Variants in CDH23 observed in about 807,000 individuals in gnomAD.
CDH23 encodes the protein cadherin-23.
A neutral mutation model predicts 317.1 loss-of-function variants in CDH23; 189 were observed. The ratio of observed to expected loss-of-function variants is 0.60; its 90% CI spans 0.53 to 0.67. CDH23 has a LOEUF of 0.67. CDH23 is among the 30% of genes least tolerant of loss of function. The pLI is 0.00. For missense variants in CDH23, 4,401 were observed against 4,592.4 expected, an observed-to-expected ratio of 0.96 and a Z score of 1.20; for synonymous variants, 1,839 against 1,876.8, an observed-to-expected ratio of 0.98 and a Z score of 0.52.
In CDH23 at chr10:71,566,931, G is replaced by A. The variant is rs777365157; in HGVS notation, c.619G>A (p.Ala207Thr). The change falls in exon 7 of 70, where the codon GCC (alanine) becomes ACC (threonine). Residue 207 changes from alanine to threonine, a missense_variant. Around this residue, in one of 3 missense-constraint regions of CDH23, gnomAD observed 3,068 missense variants for 3,203.3 expected, o/e 0.96. Coordinates refer to ENST00000224721, the MANE Select transcript of CDH23 (RefSeq NM_022124.6). Reference sequence around the variant, plus strand: ...ACAGGCCTACCAGCTCACGGTCAACGCCACAGTGAGTCTCCATGCTGGGGC... The same window carrying A: ...ACAGGCCTACCAGCTCACGGTCAACACCACAGTGAGTCTCCATGCTGGGGC... ...TTQAYQLTVN[A>T]TDQDKTRPLS... 5.6e-6 allele frequency: 9 copies of A among 1,611,610 alleles called. No individual in the cohort carries two copies. The Admixed American group carries it at 6.7e-5, about 12-fold the overall frequency.
intron 51 of CDH23, 36 bp downstream of exon 51, chr10:71,799,316 G>C: frequency 2.5e-6 from 4 of 1,613,710 alleles, no homozygotes; most frequent in Non-Finnish European, 3.4e-6. Context: ...TCCAGGACCT[G>C]CGCCCATTCC....
At chr10:71,544,739 G>A (rs1388223983) in intron 6 of CDH23, among the ~76,000 whole-genome samples, 2 of 152,208 alleles carry the variant, frequency 1.3e-5, no homozygotes, top group Non-Finnish European at 2.9e-5. Flanking sequence ...ACGAGGCAAA[G>A]AACTTTGGCC....
intron 34 of CDH23, chr10:71,737,648 G>A: frequency 2.1e-6 from 1 of 465,720 alleles, no homozygotes; most frequent in Non-Finnish European, 4.4e-6. Flanking sequence ...CAGGGCAGTG[G>A]GAGAAGGCCT....
chr10:71,716,176 C>G (rs755178412), intron 28 of CDH23: 55 of 1,550,906 alleles, frequency 3.5e-5, no homozygotes, highest in Non-Finnish European at 4.7e-5. Flanking sequence ...GCGTCATGAA[C>G]AGCAGACAGG....
chr10:71,585,983 C>T (rs1445493385), intron 9 of CDH23, among the ~76,000 whole-genome samples: 1 of 152,218 alleles, frequency 6.6e-6, no homozygotes, highest in Non-Finnish European at 1.5e-5. Flanking sequence ...CCATACCCTC[C>T]CCATGGGCAG....
intron 26 of CDH23, 74 bp downstream of exon 26, chr10:71,707,123 A>C: frequency 6.4e-7 from 1 of 1,557,718 alleles, no homozygotes; most frequent in Non-Finnish European, 8.7e-7. Flanking sequence ...ATGGACAGCC[A>C]GACTAGGTGG....
rs1453764611 is a variant in CDH23 at position 71,784,092 on chromosome 10, G to A, written c.5369-195G>A. 2.0e-5 allele frequency among the ~76,000 whole-genome samples: 3 copies of A among 152,178 alleles called. No individual in the cohort carries two copies. In the South Asian group the frequency reaches 6.2e-4, roughly 32 times the overall value. Reference sequence around the variant, plus strand: ...CCGCCTGCACCCGTGGTGGTGATCCGCTACCACCCACCTGCACATCCCAGC... The same window carrying A: ...CCGCCTGCACCCGTGGTGGTGATCCACTACCACCCACCTGCACATCCCAGC... On this transcript the variant is annotated intron_variant, in intron 41 of 69. Coordinates refer to ENST00000224721, the MANE Select transcript of CDH23 (RefSeq NM_022124.6).
rs112714709 is a variant in CDH23, at chr10:71,625,736, C to A, written c.1134+8343C>A. 1.1e-4 allele frequency among the ~76,000 whole-genome samples: 17 copies of A among 152,328 alleles called. No homozygotes were observed. In the South Asian group the frequency reaches 3.3e-3, roughly 30 times the overall value. On this transcript the variant is annotated intron_variant, in intron 11 of 69. Coordinates refer to ENST00000224721, the MANE Select transcript of CDH23 (RefSeq NM_022124.6). Reference sequence around the variant, plus strand: ...CGTTCCTGGCTGCAGGCTTCTCCTGCGGGCCTCTTCGGCTTCCTTTCAGTC... The same window carrying A: ...CGTTCCTGGCTGCAGGCTTCTCCTGAGGGCCTCTTCGGCTTCCTTTCAGTC...
At chr10:71,736,973 C>T (rs1363944995) in intron 34 of CDH23, among the ~76,000 whole-genome samples, 6 of 152,076 alleles carry the variant, frequency 3.9e-5, no homozygotes, top group Admixed American at 6.6e-5. Flanking sequence ...AAGAGCATTT[C>T]GGGCAGAGGG....
intron 48 of CDH23, chr10:71,795,954 C>T: frequency 1.0e-6 from 1 of 986,084 alleles, no homozygotes. Flanking sequence ...GGGCCTGGGC[C>T]AAGGCCGTGG....
intron 17 of CDH23, among the ~76,000 whole-genome samples, chr10:71,682,212 G>A (rs1864681130): frequency 6.6e-6 from 1 of 152,224 alleles, no homozygotes; most frequent in South Asian, 2.1e-4. Flanking sequence ...ATCTGTAAAA[G>A]TGGGGCTTAC....
At chr10:71,532,711 GTT>G (rs531593760) in intron 6 of CDH23, among the ~76,000 whole-genome samples, 3 of 128,100 alleles carry the variant, frequency 2.3e-5, no homozygotes, top group Non-Finnish European at 5.3e-5. Context: ...TTTTGTTTTT[GTT>G]TTTTTTTTTT....
intron 38 of CDH23, chr10:71,760,996 G>C: frequency 6.8e-7 from 1 of 1,479,964 alleles, no homozygotes; most frequent in South Asian, 1.1e-5. Flanking sequence ...GTCCAGGCCA[G>C]TGTCCCCCTC....
intron 1 of CDH23, among the ~76,000 whole-genome samples, chr10:71,433,216 G>A (rs1849476332): frequency 6.6e-6 from 1 of 152,156 alleles, no homozygotes; most frequent in Non-Finnish European, 1.5e-5. Flanking sequence ...CACACACTAG[G>A]AATCCAAACA....
chr10:71,510,237 C>T lies in CDH23; in HGVS notation c.288+13C>T, dbSNP rs1180341998. 1 of 1,611,766 alleles carries T rather than the reference C, an allele frequency of 6.2e-7. No homozygotes were observed. The highest frequency in any genetic ancestry group is 1.3e-5 in the African/African-American group (1 of 74,892). On this transcript the variant is annotated intron_variant, in intron 4 of 69. Coordinates refer to ENST00000224721, the MANE Select transcript of CDH23 (RefSeq NM_022124.6). ...ACTGGACAGAGAGGTATGACTTGCC[C>T]ATACCCCTGCCCCAATTCTCTCCTG... is the stretch of plus-strand genomic sequence containing the variant.
At chr10:71,755,150 G>T in intron 38 of CDH23, 1 of 660,112 alleles carries the variant, frequency 1.5e-6, no homozygotes, top group Non-Finnish European at 2.8e-6. Context: ...AGCCAAAGGG[G>T]CTGGTGGGCA....
rs549211741 is a variant in CDH23 at position 71,793,455 on chromosome 10, A to G, written c.6527A>G (p.Asn2176Ser). The G allele has an allele frequency of 1.9e-6, 3 of 1,613,714 alleles. No individual in the cohort carries two copies. The highest frequency in any genetic ancestry group is 1.3e-5 in the African/African-American group (1 of 74,920). Reference sequence around the variant, plus strand: ...AATGACTCCCGCCCCGAGTTCCTCAACCCCATCCAGACAGTGAGCGTGCTG... The same window carrying G: ...AATGACTCCCGCCCCGAGTTCCTCAGCCCCATCCAGACAGTGAGCGTGCTG... ...DINDSRPEFL[N>S]PIQTVSVLES... The change falls in exon 48 of 70, where the codon AAC becomes AGC. Residue 2176 changes from asparagine (N) to serine (S), a missense_variant. Coordinates refer to ENST00000224721, the MANE Select transcript of CDH23 (RefSeq NM_022124.6).
At chr10:71,550,565 AAAAAAAAAAAAAG>A (rs1564647310) in intron 6 of CDH23, among the ~76,000 whole-genome samples, 1 of 111,764 alleles carries the variant, frequency 8.9e-6, no homozygotes, top group Non-Finnish European at 1.9e-5. Context: ...GTCTCAAAAA[AAAAAAAAAAAAAG>A]AAAAAAGAAA....
intron 38 of CDH23, among the ~76,000 whole-genome samples, chr10:71,774,220 G>GGA (rs1258048404): frequency 7.1e-6 from 1 of 141,546 alleles, no homozygotes; most frequent in Non-Finnish European, 1.5e-5. Context: ...GGCCTCAGCT[G>GGA]TCCGCCTGGC....
Sources: allele counts gnomAD v4.1 joint callset (sites outside exome capture counted in the v4.1 genomes callset), GRCh38; gene constraint gnomAD v4.1.1; regional missense constraint gnomAD v4.1.1; transcripts MANE v1.5; gene names NCBI Gene and HGNC (gene_info 2026-07-23, HGNC 2026-07-21).